Variants in MCC observed in about 807,000 individuals in gnomAD.
MCC encodes MCC regulator of Wnt signaling pathway.
MCC carries 90 observed loss-of-function variants against 116.2 expected under a neutral mutation model. The observed-to-expected ratio is 0.77, with a 90% confidence interval of 0.65 to 0.92. MCC has a LOEUF of 0.92. Among genes scored for constraint, MCC ranks in the 40% least tolerant of loss-of-function variants. The pLI, the probability that MCC is intolerant of heterozygous loss-of-function variation, is 0.00. For synonymous variants in MCC, 578 were observed against 510.5 expected, an observed-to-expected ratio of 1.13 and a Z score of -1.78; for missense variants, 1,516 against 1,312.2, an observed-to-expected ratio of 1.16 and a Z score of -2.40.
chr5:113,127,935 A>T (rs1758171181), intron 5 of MCC, among the ~76,000 whole-genome samples: 1 of 152,202 alleles, frequency 6.6e-6, no homozygotes, highest in Admixed American at 6.5e-5. Flanking sequence ...ATGCAGAATG[A>T]AATTGCCTAG....
chr5:113,080,896 C>T (rs1245294511), intron 11 of MCC, among the ~76,000 whole-genome samples: 1 of 151,092 alleles, frequency 6.6e-6, no homozygotes, highest in African/African-American at 2.4e-5. Flanking sequence ...CTTCTTGGAT[C>T]TTTCTTATCA....
chr5:113,153,602 C>T (rs1760008899), intron 3 of MCC, among the ~76,000 whole-genome samples: 1 of 152,222 alleles, frequency 6.6e-6, no homozygotes, highest in Non-Finnish European at 1.5e-5. Context: ...GAACAGATTC[C>T]TTGAGAATCT....
At chr5:113,269,228 C>T (rs1765523999) in intron 3 of MCC, 2 of 985,276 alleles carry the variant, frequency 2.0e-6, no homozygotes, top group Admixed American at 1.2e-4. Context: ...CCCGCAATCT[C>T]TCTCCAGGTG....
chr5:113,065,708 A>C (rs1753556085), intron 13 of MCC, among the ~76,000 whole-genome samples: 2 of 152,216 alleles, frequency 1.3e-5, no homozygotes, highest in Non-Finnish European at 2.9e-5. Flanking sequence ...AACAAGAAAC[A>C]AAGAAAAGAC....
intron 1 of MCC, among the ~76,000 whole-genome samples, chr5:113,485,750 G>A (rs1031548899): frequency 6.6e-6 from 1 of 152,146 alleles, no homozygotes; most frequent in Non-Finnish European, 1.5e-5. Flanking sequence ...TCTACTAGGT[G>A]ACAAAGCCAA....
At chr5:113,403,953 G>A (rs562423217) in intron 1 of MCC, among the ~76,000 whole-genome samples, 12 of 152,192 alleles carry the variant, frequency 7.9e-5, no homozygotes, top group African/African-American at 2.2e-4. Flanking sequence ...TGCAACCTCC[G>A]CCTCCCGGGT....
At chr5:113,357,658 G>C (rs1351627691) in intron 2 of MCC, among the ~76,000 whole-genome samples, 1 of 152,208 alleles carries the variant, frequency 6.6e-6, no homozygotes, top group Non-Finnish European at 1.5e-5. Context: ...TGTGCACTAA[G>C]GCAAAATGGT....
At chr5:113,053,169 T>A (rs879354488) in intron 15 of MCC, among the ~76,000 whole-genome samples, 1 of 152,036 alleles carries the variant, frequency 6.6e-6, no homozygotes, top group African/African-American at 2.4e-5. Flanking sequence ...CAGGTAGGTA[T>A]CTCCACTAGC....
At chr5:113,182,858 T>C (rs1761702679) in intron 3 of MCC, among the ~76,000 whole-genome samples, 1 of 152,154 alleles carries the variant, frequency 6.6e-6, no homozygotes, top group African/African-American at 2.4e-5. Flanking sequence ...AAACACCCAA[T>C]AGCCACGCTG....
intron 12 of MCC, among the ~76,000 whole-genome samples, chr5:113,068,981 C>A (rs1199122732): frequency 6.6e-6 from 1 of 152,222 alleles, no homozygotes; most frequent in Non-Finnish European, 1.5e-5. Context: ...TAACATCCCA[C>A]AAGGAGATGA....
At chr5:113,307,475 G>T (rs1767018416) in intron 3 of MCC, among the ~76,000 whole-genome samples, 1 of 152,020 alleles carries the variant, frequency 6.6e-6, no homozygotes, top group South Asian at 2.1e-4. Flanking sequence ...AATTGCAATT[G>T]ATTTTTGCAC....
intron 3 of MCC, among the ~76,000 whole-genome samples, chr5:113,204,907 A>G (rs943439889): frequency 1.3e-5 from 2 of 152,226 alleles, no homozygotes; most frequent in Admixed American, 6.5e-5. Flanking sequence ...AATAGTACAG[A>G]AAACAGTCAA....
At chr5:113,227,640 T>C (rs1037458232) in intron 3 of MCC, among the ~76,000 whole-genome samples, 2 of 152,196 alleles carry the variant, frequency 1.3e-5, no homozygotes, top group African/African-American at 4.8e-5. Context: ...CTATAGACAG[T>C]AGAACATAAG....
intron 3 of MCC, among the ~76,000 whole-genome samples, chr5:113,162,952 T>A (rs1029164948): frequency 6.6e-6 from 1 of 152,210 alleles, no homozygotes; most frequent in Non-Finnish European, 1.5e-5. Context: ...ATTCAACACA[T>A]TGGAGCCTAG....
intron 3 of MCC, among the ~76,000 whole-genome samples, chr5:113,156,395 G>GT (rs1230462351): frequency 2.0e-5 from 3 of 152,148 alleles, no homozygotes; most frequent in Non-Finnish European, 4.4e-5. Flanking sequence ...CTGGAACCAG[G>GT]TAAGCACTCA....
intron 3 of MCC, among the ~76,000 whole-genome samples, chr5:113,230,692 T>C (rs938551453): frequency 1.3e-5 from 2 of 152,212 alleles, no homozygotes; most frequent in Non-Finnish European, 2.9e-5. Flanking sequence ...TACAAGTTAA[T>C]GTACTATTTT....
intron 3 of MCC, among the ~76,000 whole-genome samples, chr5:113,223,531 A>T (rs1376111683): frequency 3.9e-5 from 6 of 152,208 alleles, no homozygotes; most frequent in African/African-American, 1.4e-4. Flanking sequence ...CTGGTGGCAA[A>T]GACAGGGCAG....
At position 113,023,703 on chromosome 5, in the gene MCC, G is replaced by A. The variant is rs1038701328; in HGVS notation, c.*3599C>T. On this transcript the variant is annotated 3_prime_UTR_variant, in exon 19 of 19. Transcript: ENST00000408903. The stretch of plus-strand genomic sequence containing the variant: ...ATTAAGAATTTGCAAATTGTTTAAA[G>A]CCTTATGGAGGAAAGGACACTTTCA... 6.6e-6 allele frequency: 1 copy of A among 152,330 alleles called. No individual in the cohort carries two copies. The highest frequency in any genetic ancestry group is 1.9e-4 in the East Asian group (1 of 5,186). 9.4% of individuals were successfully genotyped at this position (152,330 alleles called of 1,614,324 possible). A position where few individuals can be genotyped will look rare whatever the true frequency, so the allele number is the denominator to read the frequency against.
chr5:113,336,035 T>A (rs561593819), intron 3 of MCC, among the ~76,000 whole-genome samples: 2 of 151,604 alleles, frequency 1.3e-5, no homozygotes, highest in Admixed American at 1.3e-4. Context: ...TCAGGTGACT[T>A]CTTACTGTGT....
Sources: gnomAD v4.1 joint callset for allele counts (sites outside exome capture counted in the v4.1 genomes callset) on GRCh38, gnomAD v4.1.1 for gene constraint, MANE v1.5 for transcripts, NCBI Gene and HGNC (gene_info 2026-07-23, HGNC 2026-07-21) for gene names.